The following CD160 variants were observed in gnomAD, a reference collection of about 807,000 sequenced individuals.
CD160 encodes the protein CD160 antigen.
In CD160, 11 loss-of-function variants were observed where a neutral mutation model predicts 19.2. That is an observed-to-expected ratio of 0.57 (90% CI 0.36 to 0.95). CD160 has a LOEUF of 0.95. CD160 is among the 40% of genes least tolerant of loss of function. CD160 has a pLI of 0.01. For missense variants in CD160, 182 were observed against 213.2 expected (o/e 0.85, Z 0.91); for synonymous variants, 75 against 81.1 (o/e 0.93, Z 0.40).
intron 4 of CD160, among the ~76,000 whole-genome samples, chr1:145,731,991 T>G (rs1223938917): frequency 1.3e-5 from 2 of 152,200 alleles, no homozygotes; most frequent in Non-Finnish European, 2.9e-5. Context: ...GCCTCTGGCT[T>G]CTGCATCTGT....
At chr1:145,722,188 T>C (rs587638300) in intron 1 of CD160, among the ~76,000 whole-genome samples, 1 of 152,316 alleles carries the variant, frequency 6.6e-6, no homozygotes, top group East Asian at 1.9e-4. Flanking sequence ...TAAGAAAGCA[T>C]AAAACTAATC....
At chr1:145,736,396 T>G in intron 5 of CD160, 1 of 800,704 alleles carries the variant, frequency 1.2e-6, no homozygotes, top group Non-Finnish European at 1.9e-6. Flanking sequence ...GAGAGGCAAG[T>G]TAGTACAACT....
At chr1:145,720,665 G>A (rs1656799121) in intron 1 of CD160, among the ~76,000 whole-genome samples, 2 of 152,182 alleles carry the variant, frequency 1.3e-5, no homozygotes, top group South Asian at 4.1e-4. Flanking sequence ...TCCGGGCTCC[G>A]GTGGCAGAGG....
Position 145,736,139 on chromosome 1 carries a change from G to A in CD160, c.538+5G>A. The stretch of plus-strand genomic sequence containing the variant: ...CCAGCCTTGTGGCCCTTCAAGGTAT[G>A]TCCAAAAGAGCCGTAAGCACCCCAA... On this transcript the variant is annotated splice_donor_5th_base_variant and intron_variant, in intron 5 of 5. Transcript: ENST00000369288. 6.2e-7 allele frequency: 1 copy of A among 1,614,138 alleles called. No homozygotes were observed. Among genetic ancestry groups the A allele is most frequent in the Non-Finnish European group, 8.5e-7 (1 of 1,180,018 alleles).
At chr1:145,731,201 T>C (rs1259338593) in intron 4 of CD160, 131 bp downstream of exon 4, 18 of 713,484 alleles carry the variant, frequency 2.5e-5, no homozygotes, top group Non-Finnish European at 2.7e-5. Flanking sequence ...AACATCCCCA[T>C]TGGCAGATGC....
chr1:145,723,952 T>A (rs2101371051), intron 1 of CD160, among the ~76,000 whole-genome samples: 1 of 152,284 alleles, frequency 6.6e-6, no homozygotes, highest in African/African-American at 2.4e-5. Flanking sequence ...ACTAGCACAC[T>A]CATGCTTTTA....
intron 5 of CD160, chr1:145,736,619 A>G (rs1657506363): frequency 6.4e-6 from 1 of 155,678 alleles, no homozygotes; most frequent in African/African-American, 2.4e-5. Context: ...CGTTTTCCCT[A>G]TTAGATAACA....
In CD160 at chr1:145,736,135, G is replaced by T. The variant is rs185729292; in HGVS notation, c.538+1G>T. On this transcript the variant is annotated splice_donor_variant, in intron 5 of 5. Transcript: ENST00000369288. LOFTEE classifies it high-confidence loss of function. ...GTCACCAGCCTTGTGGCCCTTCAAG[G>T]TATGTCCAAAAGAGCCGTAAGCACC... 6.2e-7 allele frequency: 1 copy of T among 1,614,122 alleles called. No individual in the cohort carries two copies. Among genetic ancestry groups the T allele is most frequent in the East Asian group, 2.2e-5 (1 of 44,882 alleles).
In CD160 at chr1:145,728,349, GGCT is replaced by G. The variant is rs377407780; in HGVS notation, c.27_29del (p.Cys10del). 30 of 1,613,312 alleles carry G rather than the reference GGCT, an allele frequency of 1.9e-5. No homozygotes were observed. In the African/African-American group the frequency reaches 2.3e-4, roughly 12 times the overall value. ...CAGGATGCTGTTGGAACCCGGCAGA[GGCT>G]GCTGTGCCCTGGCCATCCTGCTGGC... On this transcript the variant is annotated inframe_deletion, in exon 3 of 6. Transcript: ENST00000369288.
At chr1:145,736,216 G>C (rs1310534564) in intron 5 of CD160, 82 bp downstream of exon 5, 8 of 1,600,652 alleles carry the variant, frequency 5.0e-6, no homozygotes, top group Admixed American at 3.5e-5. Flanking sequence ...TCCAGGAGGA[G>C]AAGGTTGGAA....
chr1:145,730,682 G>A, intron 3 of CD160, 62 bp from the exon 4 acceptor site: 1 of 1,376,428 alleles, frequency 7.3e-7, no homozygotes, highest in Non-Finnish European at 1.0e-6. Flanking sequence ...ATAAGGAGCA[G>A]TTACGGTGAA....
intron 5 of CD160, 94 bp downstream of exon 5, chr1:145,736,228 G>T (rs781985253): frequency 3.8e-6 from 6 of 1,586,618 alleles, no homozygotes; most frequent in Non-Finnish European, 5.1e-6. Flanking sequence ...AGGTTGGAAA[G>T]GATGTCCAGG....
chr1:145,737,127 G>A (rs1553710304), intron 5 of CD160: 5 of 152,042 alleles, frequency 3.3e-5, no homozygotes, highest in African/African-American at 1.2e-4. Flanking sequence ...TAGGCATGGT[G>A]GCACACAACT....
In CD160 at chr1:145,738,211, G is replaced by T. The variant is rs140251722; in HGVS notation, c.539-275G>T. 5.5e-3 allele frequency: 1,501 copies of T among 273,730 alleles called. 8 individuals are homozygous for T. Among genetic ancestry groups the T allele is most frequent in the Middle Eastern group, 0.015 (15 of 1,012 alleles). The allele number at this position is 273,730 out of a possible 1,614,324, so 17.0% of individuals were successfully genotyped here. On this transcript the variant is annotated intron_variant, in intron 5 of 5. Transcript: ENST00000369288. ...AAACCTACCTTCAACTTTTTGAGTG[G>T]CATCTATTGCTTCTTTGATTGTTCC...
rs587693627 is a variant in CD160, at chr1:145,726,449, G to A, written c.-73+1543G>A. ...CTTTGCAGGGACATAGATGAAGCTG[G>A]AAACCATCATTCTAAGCAAACTGTC... is the stretch of plus-strand genomic sequence containing the variant. On this transcript the variant is annotated intron_variant, in intron 2 of 5. Transcript: ENST00000369288. Among the ~76,000 whole-genome samples the A allele has an allele frequency of 4.6e-5, 7 of 152,296 alleles. No homozygotes were observed. The East Asian group carries it at 1.4e-3, about 29-fold the overall frequency.
At chr1:145,723,588 A>G (rs1241157851) in intron 1 of CD160, among the ~76,000 whole-genome samples, 2 of 151,562 alleles carry the variant, frequency 1.3e-5, no homozygotes, top group African/African-American at 2.4e-5. Flanking sequence ...TCCTTTTTTT[A>G]TGGGGGCAGG....
At chr1:145,724,737 T>TA (rs1205488638) in intron 1 of CD160, 64 bp from the exon 2 acceptor site, 10 of 152,200 alleles carry the variant, frequency 6.6e-5, no homozygotes, top group Non-Finnish European at 1.2e-4. Context: ...ATATTTTTAA[T>TA]ATCTTGTATG....
Position 145,729,211 on chromosome 1 carries a change from C to T in CD160, c.73+811C>T, listed in dbSNP as rs148622564. 4.6e-5 allele frequency among the ~76,000 whole-genome samples: 7 copies of T among 152,206 alleles called. No individual in the cohort carries two copies. In the East Asian group the frequency reaches 1.4e-3, roughly 29 times the overall value. ...CCCTCAGATATGGGTCTTGGAAGACCCATATCTCTTACTCTTGTAGGAGAA... is the reference window on the plus strand; with the variant it reads ...CCCTCAGATATGGGTCTTGGAAGACTCATATCTCTTACTCTTGTAGGAGAA... On this transcript the variant is annotated intron_variant, in intron 3 of 5. Transcript: ENST00000369288.
chr1:145,729,760 T>C (rs139265060), intron 3 of CD160, among the ~76,000 whole-genome samples: 165 of 152,316 alleles, frequency 1.1e-3, no homozygotes, highest in African/African-American at 3.7e-3. Flanking sequence ...ATATCAATGG[T>C]CCCTCAATAA....
Sources: allele counts gnomAD v4.1 joint callset (sites outside exome capture counted in the v4.1 genomes callset), GRCh38; gene constraint gnomAD v4.1.1; transcripts MANE v1.5; gene names NCBI Gene and HGNC (gene_info 2026-07-23, HGNC 2026-07-21).